The following BSN variants were observed in gnomAD, a reference collection of about 807,000 sequenced individuals.
BSN encodes protein bassoon.
BSN carries 57 observed loss-of-function variants against 264.8 expected under a neutral mutation model. The observed-to-expected ratio is 0.22, with a 90% CI of 0.17 to 0.27. BSN has a LOEUF of 0.27. BSN is among the 10% of genes least tolerant of loss of function. The probability of loss-of-function intolerance (pLI) is 1.00; values close to 1 mark genes in which losing one functional copy is unlikely to be tolerated. For synonymous variants in BSN, 2,059 were observed against 2,137.3 expected (o/e 0.96, Z 1.01); for missense variants, 4,615 against 5,232.5 (o/e 0.88, Z 3.64).
At chr3:49,611,908 C>G (rs530048736) in intron 1 of BSN, among the ~76,000 whole-genome samples, 1 of 152,180 alleles carries the variant, frequency 6.6e-6, no homozygotes, top group Admixed American at 6.5e-5. Context: ...ATCTGCCTGC[C>G]TTCTCTTCCC....
rs2052662645 is a variant in BSN at position 49,662,076 on chromosome 3, G to A, written c.10231G>A (p.Gly3411Arg). Reference sequence around the variant, plus strand: ...GAAGTTCCAGGATGAAATCACCTATGGGCTCAAGAAGAACGTGTATGAGCA... The same window carrying A: ...GAAGTTCCAGGATGAAATCACCTATAGGCTCAAGAAGAACGTGTATGAGCA... ...GRKFQDEITY[G>R]LKKNVYEQQK... is the part of the protein sequence containing the mutation. The change falls in exon 6 of 12, where the codon GGG (glycine) becomes AGG (arginine). Residue 3411 changes from glycine (G) to arginine (R), a missense_variant. Physicochemically the swap from Gly to Arg is moderately radical, Grantham distance 125 (BLOSUM62 -2). Coordinates refer to ENST00000296452, the MANE Select transcript of BSN (RefSeq NM_003458.4). 1.2e-6 allele frequency: 2 copies of A among 1,613,644 alleles called. No homozygotes were observed. Among genetic ancestry groups the A allele is most frequent in the Non-Finnish European group, 1.7e-6 (2 of 1,180,052 alleles).
Position 49,654,340 on chromosome 3 carries a change from G to A in BSN, c.4784G>A (p.Ser1595Asn). 6.2e-7 allele frequency: 1 copy of A among 1,613,468 alleles called. No homozygotes were observed. The highest frequency in any genetic ancestry group is 2.2e-5 in the East Asian group (1 of 44,886). ...ACCCAGCCCACCACCCATGGCTACA[G>A]CCAGACAACACCTCCGAGTGTGTCT... ...TETQPTTHGYSQTTPPSVSQL... is the reference protein window; with the variant it reads ...TETQPTTHGYNQTTPPSVSQL... Residue 1595 changes from serine to asparagine, a missense_variant, in exon 5 of 12, where the codon AGC becomes AAC. This residue lies in a region of BSN where 3,415 missense variants were observed against 3,866.4 expected (regional missense o/e 0.88). Transcript: ENST00000296452. The surrounding 1 kb of genome is among the most constrained non-coding windows in gnomAD (Gnocchi z 4.1).
downstream of BSN, among the ~76,000 whole-genome samples, chr3:49,671,936 C>A (rs1422546370): frequency 6.6e-6 from 1 of 152,186 alleles, no homozygotes; most frequent in Non-Finnish European, 1.5e-5. This position sits in a 1 kb window ranked among gnomAD's most constrained non-coding sequence, Gnocchi z 4.1. Context: ...AATTTTCCAA[C>A]CCCCAAACTC....
chr3:49,661,764 A>G lies in BSN; in HGVS notation c.9919A>G (p.Ser3307Gly), dbSNP rs145931220. The G allele has an allele frequency of 1.5e-3, 2,498 of 1,613,300 alleles. 6 individuals are homozygous for G. The highest frequency in any genetic ancestry group is 2.0e-3 in the Non-Finnish European group (2,376 of 1,180,026). ...CCGCGGGAAGGGTGGCCACCTCCGG[A>G]GCATGGAGAGCAATGGTCGACCAGC... ...DPRGKGGHLR[S>G]MESNGRPAST... The change falls in exon 6 of 12, where the codon AGC becomes GGC. Residue 3307 changes from serine (S) to glycine (G), a missense_variant. Transcript: ENST00000296452.
Position 49,625,013 on chromosome 3 carries a change from A to T in BSN, c.263A>T (p.Asn88Ile). ...RRLDPKEPLG[N>I]QRAASPTPKQ... ...CTGGACCCCAAGGAACCCCTGGGTA[A>T]CCAGAGAGCAGCTTCCCCAACTCCG... The change falls in exon 2 of 12, where the codon AAC becomes ATC. Residue 88 changes from asparagine to isoleucine, a missense_variant. This residue lies in a region of BSN where 1,197 missense variants were observed against 1,348.0 expected (regional missense o/e 0.89). Coordinates refer to ENST00000296452, the MANE Select transcript of BSN (RefSeq NM_003458.4). This position sits in a 1 kb window ranked among gnomAD's most constrained non-coding sequence, Gnocchi z 4.4. 6.4e-7 allele frequency: 1 copy of T among 1,556,122 alleles called. No homozygotes were observed. The highest frequency in any genetic ancestry group is 8.7e-7 in the Non-Finnish European group (1 of 1,155,278).
At chr3:49,615,620 A>G (rs1388939784) in intron 1 of BSN, among the ~76,000 whole-genome samples, 1 of 152,220 alleles carries the variant, frequency 6.6e-6, no homozygotes, top group African/African-American at 2.4e-5. Flanking sequence ...CTTTGAGCCC[A>G]TGATGCCATC....
rs200611323 is a variant in BSN, at chr3:49,663,038, G to T, written c.10880G>T (p.Gly3627Val). ...GACTACGATGAACCCCCTGAGGAGG[G>T]CCTGTGGCCTCATGATGAGGGTGGC... ...YHDYDEPPEE[G>V]LWPHDEGGPG... Residue 3627 changes from glycine (G) to valine (V), a missense_variant, in exon 7 of 12, where the codon GGC becomes GTC. Physicochemically the swap from Gly to Val is moderately radical, Grantham distance 109. Transcript: ENST00000296452. The T allele has an allele frequency of 1.6e-4, 260 of 1,613,682 alleles. No homozygotes were observed. The East Asian group carries it at 3.3e-3, about 21-fold the overall frequency.
rs1028594383 is a variant in BSN at position 49,567,972 on chromosome 3, T to C, written c.224+13146T>C. On this transcript the variant is annotated intron_variant, in intron 1 of 11. Coordinates refer to ENST00000296452, the MANE Select transcript of BSN (RefSeq NM_003458.4). The stretch of plus-strand genomic sequence containing the variant: ...TTTCTCCATGTGGGCTCATTTGGGC[T>C]GCCTCATAGCATGGTTGCTGAGTTC... Among the ~76,000 whole-genome samples the C allele has an allele frequency of 2.0e-5, 3 of 152,206 alleles. No homozygotes were observed. The South Asian group carries it at 6.2e-4, about 31-fold the overall frequency.
At chr3:49,659,818 TGGAG>T (rs1268780785) in intron 5 of BSN, among the ~76,000 whole-genome samples, 1 of 152,014 alleles carries the variant, frequency 6.6e-6, no homozygotes, top group African/African-American at 2.4e-5. Flanking sequence ...CCGAGGGACA[TGGAG>T]GGAGCTGGGG....
Position 49,641,328 on chromosome 3 carries a change from T to A in BSN, c.634-940T>A, listed in dbSNP as rs117973241. Among the ~76,000 whole-genome samples the A allele has an allele frequency of 2.0e-5, 3 of 152,352 alleles. No individual in the cohort carries two copies. In the East Asian group the frequency reaches 5.8e-4, roughly 29 times the overall value. ...TGTTGGGAAAGAAGACTACTGCTGC[T>A]GCAAAGCTACATCCTTCTGATTAGT... On this transcript the variant is annotated intron_variant, in intron 2 of 11. Coordinates refer to ENST00000296452, the MANE Select transcript of BSN (RefSeq NM_003458.4).
intron 1 of BSN, among the ~76,000 whole-genome samples, chr3:49,623,054 A>G (rs2052317274): frequency 6.6e-6 from 1 of 152,174 alleles, no homozygotes; most frequent in Non-Finnish European, 1.5e-5. Context: ...CCAGTTCCTC[A>G]GAAGGGAGGA....
intron 1 of BSN, among the ~76,000 whole-genome samples, chr3:49,618,703 C>T (rs2052280646): frequency 6.6e-6 from 1 of 152,182 alleles, no homozygotes; most frequent in Non-Finnish European, 1.5e-5. Context: ...GTTGCCTCTG[C>T]CTAGCATGCC....
intron 8 of BSN, 133 bp downstream of exon 8, chr3:49,664,019 T>C (rs965916086): frequency 1.4e-5 from 12 of 869,788 alleles, no homozygotes; most frequent in Non-Finnish European, 2.0e-5. Flanking sequence ...CCAGGGGCTG[T>C]AGACCTCCCC....
At chr3:49,575,081 T>C (rs1559595545) in intron 1 of BSN, among the ~76,000 whole-genome samples, 2 of 152,132 alleles carry the variant, frequency 1.3e-5, no homozygotes, top group African/African-American at 2.4e-5. Flanking sequence ...GCGTGATGGC[T>C]CACGCCTGTA....
At chr3:49,633,396 C>T (rs1172641897) in intron 2 of BSN, among the ~76,000 whole-genome samples, 2 of 151,920 alleles carry the variant, frequency 1.3e-5, no homozygotes, top group South Asian at 2.1e-4. Flanking sequence ...ATCTCATACT[C>T]GTTAAGGATG....
At chr3:49,632,164 C>G (rs2052388078) in intron 2 of BSN, among the ~76,000 whole-genome samples, 1 of 152,090 alleles carries the variant, frequency 6.6e-6, no homozygotes, top group African/African-American at 2.4e-5. Context: ...ACATCATATA[C>G]AAAAATTAAC....
rs151043893 is a variant in BSN, at chr3:49,647,635, C to T, written c.1519-2977C>T. ...GAACACTGAAATTGCGGAATGGAAA[C>T]GAGCGGAAGAATAAGGGAATGAATG... On this transcript the variant is annotated intron_variant, in intron 3 of 11. Coordinates refer to ENST00000296452, the MANE Select transcript of BSN (RefSeq NM_003458.4). Among the ~76,000 whole-genome samples the T allele has an allele frequency of 2.6e-3, 397 of 152,146 alleles. 6 individuals carry two copies. The highest frequency in any genetic ancestry group is 9.0e-3 in the African/African-American group (373 of 41,460).
intron 1 of BSN, among the ~76,000 whole-genome samples, chr3:49,595,722 A>AT (rs1253267732): frequency 6.6e-6 from 1 of 152,102 alleles, no homozygotes; most frequent in Admixed American, 6.5e-5. Context: ...GTGGTGTTAC[A>AT]TTTTTATTTT....
At chr3:49,641,898 G>A (rs569437230) in intron 2 of BSN, 2 of 211,410 alleles carry the variant, frequency 9.5e-6, no homozygotes, top group East Asian at 1.0e-4. Flanking sequence ...ATGGCCTGAA[G>A]TGGGAAGCAG....
Sources: allele counts gnomAD v4.1 joint callset (sites outside exome capture counted in the v4.1 genomes callset), GRCh38; gene constraint gnomAD v4.1.1; regional missense constraint gnomAD v4.1.1; non-coding constraint Gnocchi (gnomAD v3.1); transcripts MANE v1.5; gene names NCBI Gene and HGNC (gene_info 2026-07-23, HGNC 2026-07-21).